The following TSPAN18 variants were observed in gnomAD, a reference collection of about 807,000 sequenced individuals.
The protein encoded by TSPAN18 is tetraspanin-18.
Under a neutral mutation model 27.3 loss-of-function variants are expected in TSPAN18, and 14 were observed. That is an observed-to-expected ratio of 0.51 (90% CI 0.34 to 0.80). The LOEUF (loss-of-function observed/expected upper bound fraction) is 0.80. Among genes scored for constraint, TSPAN18 ranks in the 30% least tolerant of loss-of-function variants. The probability of loss-of-function intolerance (pLI) is 0.01; values close to 1 mark genes in which losing one functional copy is unlikely to be tolerated. For missense variants in TSPAN18, 268 were observed against 323.9 expected (o/e 0.83, Z 1.32); for synonymous variants, 143 against 136.5 (o/e 1.05, Z -0.33).
chr11:44,738,555 A>G (rs990858337), intron 1 of TSPAN18, among the ~76,000 whole-genome samples: 1 of 152,196 alleles, frequency 6.6e-6, no homozygotes, highest in African/African-American at 2.4e-5. Flanking sequence ...CTGGAAGTCC[A>G]TGACCATGGT....
At chr11:44,850,524 A>G (rs908734626) in intron 2 of TSPAN18, among the ~76,000 whole-genome samples, 1 of 151,220 alleles carries the variant, frequency 6.6e-6, no homozygotes, top group African/African-American at 2.4e-5. Flanking sequence ...TTCCAGAAAA[A>G]CCCTTCAATG....
intron 1 of TSPAN18, among the ~76,000 whole-genome samples, chr11:44,756,885 A>G (rs888140685): frequency 1.3e-5 from 2 of 152,174 alleles, no homozygotes; most frequent in South Asian, 2.1e-4. Flanking sequence ...TGAGTGTACA[A>G]ATATCTCTTT....
chr11:44,807,192 TAAAAAAAAAAAAAAAAAAAAAAAAAAA>T (rs1046665098), intron 2 of TSPAN18, among the ~76,000 whole-genome samples: 7 of 67,336 alleles, frequency 1.0e-4, no homozygotes, highest in African/African-American at 3.3e-4. Flanking sequence ...CCCTGTCTCT[TAAAAAAAAAAAAAAAAAAAAAAAAAAA>T]AAAAAAAAAA....
chr11:44,922,355 A>G (rs1031449869), intron 8 of TSPAN18, among the ~76,000 whole-genome samples: 1 of 152,068 alleles, frequency 6.6e-6, no homozygotes, highest in Non-Finnish European at 1.5e-5. Context: ...CTGACCTCAA[A>G]TGATCCACCC....
At chr11:44,882,126 C>T (rs1011905740) in intron 3 of TSPAN18, among the ~76,000 whole-genome samples, 4 of 152,102 alleles carry the variant, frequency 2.6e-5, no homozygotes, top group African/African-American at 4.8e-5. Context: ...GTGACTTGCC[C>T]AAGGTCACAC....
At chr11:44,797,537 G>A (rs940037625) in intron 2 of TSPAN18, among the ~76,000 whole-genome samples, 1 of 152,188 alleles carries the variant, frequency 6.6e-6, no homozygotes, top group Non-Finnish European at 1.5e-5. Flanking sequence ...CTGTGCCTGA[G>A]CACCTGGGAG....
At chr11:44,784,654 A>C (rs935820941) in intron 2 of TSPAN18, among the ~76,000 whole-genome samples, 1 of 151,986 alleles carries the variant, frequency 6.6e-6, no homozygotes, top group South Asian at 2.1e-4. Context: ...TGCCACCCCC[A>C]CCTTGTTCTC....
intron 1 of TSPAN18, among the ~76,000 whole-genome samples, chr11:44,740,408 A>G (rs1590406452): frequency 6.6e-6 from 1 of 152,148 alleles, no homozygotes; most frequent in Non-Finnish European, 1.5e-5. Flanking sequence ...AGGCTGTACA[A>G]CCAAGGGGAA....
At chr11:44,778,576 G>A (rs1855867131) in intron 2 of TSPAN18, among the ~76,000 whole-genome samples, 1 of 152,146 alleles carries the variant, frequency 6.6e-6, no homozygotes, top group South Asian at 2.1e-4. Flanking sequence ...TTGTGTCTCA[G>A]TTTCTCTACC....
chr11:44,773,685 G>T (rs923430112), intron 2 of TSPAN18, among the ~76,000 whole-genome samples: 15 of 152,106 alleles, frequency 9.9e-5, no homozygotes, highest in African/African-American at 1.9e-4. Context: ...GGGTTGCTGT[G>T]GGGGGATGGG....
intron 4 of TSPAN18, among the ~76,000 whole-genome samples, chr11:44,908,744 AAGAGAGAGAG>A (rs56785088): frequency 0.011 from 1,038 of 90,410 alleles, 170 homozygotes; most frequent in Non-Finnish European, 0.017. Flanking sequence ...AAAAGAAAGA[AAGAGAGAGAG>A]AGAGAGAGAG....
Position 44,763,820 on chromosome 11 carries a change from G to C in TSPAN18, c.-239-606G>C, listed in dbSNP as rs191568362. Reference sequence around the variant, plus strand: ...GGACGCTATCCTGGGAAGCTTTGTGGGGCTGGTGCTTAGTCCTGCCTTTCC... The same window carrying C: ...GGACGCTATCCTGGGAAGCTTTGTGCGGCTGGTGCTTAGTCCTGCCTTTCC... On this transcript the variant is annotated intron_variant, in intron 1 of 9. Transcript: ENST00000520358. Among the ~76,000 whole-genome samples, 512 of 152,192 alleles carry C rather than the reference G, an allele frequency of 3.4e-3. 3 individuals carry two copies. The highest frequency in any genetic ancestry group is 0.011 in the African/African-American group (464 of 41,516).
chr11:44,918,752 G>A (rs113922281), intron 6 of TSPAN18, among the ~76,000 whole-genome samples: 2 of 152,202 alleles, frequency 1.3e-5, no homozygotes, highest in African/African-American at 4.8e-5. Context: ...AGGAGGGAAG[G>A]AGAATATTTT....
intron 2 of TSPAN18, among the ~76,000 whole-genome samples, chr11:44,783,318 G>A (rs1461587523): frequency 6.6e-6 from 1 of 151,918 alleles, no homozygotes; most frequent in Non-Finnish European, 1.5e-5. Flanking sequence ...GAAACACACT[G>A]TTAGGAAAAT....
At chr11:44,863,692 TC>T (rs1488497964) in intron 3 of TSPAN18, among the ~76,000 whole-genome samples, 1 of 152,188 alleles carries the variant, frequency 6.6e-6, no homozygotes, top group Admixed American at 6.5e-5. Context: ...TCAAGCTCCT[TC>T]CGCTTGAAAC....
At chr11:44,788,458 T>C (rs912413019) in intron 2 of TSPAN18, among the ~76,000 whole-genome samples, 13 of 144,362 alleles carry the variant, frequency 9.0e-5, no homozygotes, top group African/African-American at 2.5e-4. Flanking sequence ...TTTTTTCTCT[T>C]TTTTTTTTTT....
intron 3 of TSPAN18, among the ~76,000 whole-genome samples, chr11:44,900,533 C>T (rs990735127): frequency 3.9e-5 from 6 of 152,178 alleles, no homozygotes; most frequent in Non-Finnish European, 8.8e-5. Context: ...ATGACATTAC[C>T]TACTTCCCAG....
At chr11:44,782,779 T>A (rs1193673674) in intron 2 of TSPAN18, among the ~76,000 whole-genome samples, 1 of 152,220 alleles carries the variant, frequency 6.6e-6, no homozygotes, top group African/African-American at 2.4e-5. Context: ...TAAGCATCTT[T>A]TCATGGGCTT....
chr11:44,894,646 C>T lies in TSPAN18; in HGVS notation c.-10-11761C>T, dbSNP rs552610345. ...GGCAGGGGTCCGCCGAGGAAAGCCC[C>T]GAGGCACTGCGTGACCTCGGTCCCA... On this transcript the variant is annotated intron_variant, in intron 3 of 9. Transcript: ENST00000520358. 2.0e-4 allele frequency among the ~76,000 whole-genome samples: 30 copies of T among 152,354 alleles called. No homozygotes were observed. In the East Asian group the frequency reaches 2.3e-3, roughly 12 times the overall value.
Sources: allele counts gnomAD v4.1 joint callset (sites outside exome capture counted in the v4.1 genomes callset), GRCh38; gene constraint gnomAD v4.1.1; transcripts MANE v1.5; gene names NCBI Gene and HGNC (gene_info 2026-07-23, HGNC 2026-07-21).